NKAIN2: variants seen among roughly 807,000 people sequenced by gnomAD.
NKAIN2 encodes sodium/potassium transporting ATPase interacting 2, also known as sodium/potassium-transporting ATPase subunit beta-1-interacting protein 2.
Under a neutral mutation model 32.6 loss-of-function variants are expected in NKAIN2, and 14 were observed. That is an observed-to-expected ratio of 0.43 (90% CI 0.28 to 0.67). NKAIN2 has a LOEUF of 0.67. NKAIN2 is among the 30% of genes least tolerant of loss of function. The pLI is 0.17. For missense variants in NKAIN2, 198 were observed against 258.3 expected, an observed-to-expected ratio of 0.77 and a Z score of 1.60; for synonymous variants, 80 against 87.2, an observed-to-expected ratio of 0.92 and a Z score of 0.46.
intron 3 of NKAIN2, among the ~76,000 whole-genome samples, chr6:124,574,623 T>TA (rs1310295152): frequency 6.6e-6 from 1 of 151,766 alleles, no homozygotes; most frequent in Non-Finnish European, 1.5e-5. Context: ...TGTCTCAAAA[T>TA]AAAAAACAAA....
chr6:124,506,465 A>T (rs1023866178), intron 3 of NKAIN2, among the ~76,000 whole-genome samples: 1 of 152,184 alleles, frequency 6.6e-6, no homozygotes, highest in Admixed American at 6.5e-5. Flanking sequence ...TCATCCCCGA[A>T]CGGTCAGTGA....
At chr6:124,512,117 G>A (rs1562230325) in intron 3 of NKAIN2, among the ~76,000 whole-genome samples, 2 of 152,126 alleles carry the variant, frequency 1.3e-5, no homozygotes, top group Non-Finnish European at 2.9e-5. Flanking sequence ...GGCTAACACA[G>A]TTACATAAAA....
chr6:124,747,553 C>G (rs1409283359), intron 4 of NKAIN2, among the ~76,000 whole-genome samples: 1 of 151,794 alleles, frequency 6.6e-6, no homozygotes, highest in Non-Finnish European at 1.5e-5. Context: ...GAGCTGTAAA[C>G]GTGCCAGGAA....
chr6:123,992,545 A>T (rs1478527731), intron 1 of NKAIN2, among the ~76,000 whole-genome samples: 2 of 152,212 alleles, frequency 1.3e-5, no homozygotes, highest in Non-Finnish European at 2.9e-5. Flanking sequence ...AAAGGAATAT[A>T]CTAACATCCA....
chr6:124,348,297 G>A lies in NKAIN2; in HGVS notation c.193-6970G>A, dbSNP rs1286623720. ...GGGGTCAGGGGTCAGGGGCCCACTT[G>A]AGGAGGCAGTCTGCCCGTTCTCAGA... On this transcript the variant is annotated intron_variant, in intron 2 of 6. Transcript: ENST00000368417. 2.0e-5 allele frequency among the ~76,000 whole-genome samples: 3 copies of A among 152,298 alleles called. No individual in the cohort carries two copies. The South Asian group carries it at 6.2e-4, about 32-fold the overall frequency.
At chr6:123,999,320 C>T (rs919190552) in intron 1 of NKAIN2, among the ~76,000 whole-genome samples, 6 of 152,120 alleles carry the variant, frequency 3.9e-5, no homozygotes, top group Non-Finnish European at 8.8e-5. Context: ...TGTGCAGGTA[C>T]ACTATAAGGT....
chr6:123,866,693 G>T (rs1196048223), intron 1 of NKAIN2, among the ~76,000 whole-genome samples: 1 of 152,172 alleles, frequency 6.6e-6, no homozygotes, highest in Non-Finnish European at 1.5e-5. Context: ...GCCTTCCAAA[G>T]TGCTGGGATT....
intron 1 of NKAIN2, among the ~76,000 whole-genome samples, chr6:124,034,114 G>A (rs1781512080): frequency 6.6e-6 from 1 of 152,012 alleles, no homozygotes; most frequent in African/African-American, 2.4e-5. Context: ...TATAACCTGT[G>A]TTTCTTTTTT....
chr6:124,411,650 A>G (rs1214382173), intron 3 of NKAIN2, among the ~76,000 whole-genome samples: 1 of 152,120 alleles, frequency 6.6e-6, no homozygotes, highest in Non-Finnish European at 1.5e-5. Flanking sequence ...GAATCTGACA[A>G]TTATGTGTCT....
chr6:124,593,107 C>A (rs1309429771), intron 3 of NKAIN2, among the ~76,000 whole-genome samples: 3 of 152,062 alleles, frequency 2.0e-5, no homozygotes, highest in Non-Finnish European at 4.4e-5. Flanking sequence ...AATATTTCCC[C>A]TGACAATTTT....
chr6:124,204,101 C>A (rs1790733914), intron 1 of NKAIN2, among the ~76,000 whole-genome samples: 1 of 151,844 alleles, frequency 6.6e-6, no homozygotes, highest in Non-Finnish European at 1.5e-5. Context: ...CCTTATCCTG[C>A]TGCTCTTATT....
At chr6:124,377,142 G>T (rs1800027692) in intron 3 of NKAIN2, among the ~76,000 whole-genome samples, 1 of 152,106 alleles carries the variant, frequency 6.6e-6, no homozygotes, top group African/African-American at 2.4e-5. Flanking sequence ...ACTAAAAATG[G>T]GTGATATTTA....
At chr6:124,272,481 T>G (rs903438032) in intron 1 of NKAIN2, among the ~76,000 whole-genome samples, 1 of 152,188 alleles carries the variant, frequency 6.6e-6, no homozygotes, top group African/African-American at 2.4e-5. Flanking sequence ...AAACTGTGCC[T>G]CAATTTCAGA....
intron 1 of NKAIN2, among the ~76,000 whole-genome samples, chr6:124,147,531 A>G (rs1346319368): frequency 2.0e-5 from 3 of 152,320 alleles, no homozygotes; most frequent in East Asian, 1.9e-4. Flanking sequence ...CATTTTTCCA[A>G]TACGATTCTC....
chr6:124,307,759 A>C (rs1488376318), intron 2 of NKAIN2, among the ~76,000 whole-genome samples: 1 of 152,186 alleles, frequency 6.6e-6, no homozygotes, highest in Non-Finnish European at 1.5e-5. Flanking sequence ...TAAAAAATGA[A>C]AGCAAGAGCT....
At chr6:124,607,969 C>T (rs969146321) in intron 3 of NKAIN2, among the ~76,000 whole-genome samples, 11 of 152,066 alleles carry the variant, frequency 7.2e-5, no homozygotes, top group African/African-American at 2.7e-4. Context: ...CTACGCTAAG[C>T]TATGATGTTA....
At chr6:124,479,055 C>T (rs1777344372) in intron 3 of NKAIN2, among the ~76,000 whole-genome samples, 1 of 152,014 alleles carries the variant, frequency 6.6e-6, no homozygotes. Context: ...CCGACAAACA[C>T]AAATGGAGGG....
At chr6:124,511,704 T>C (rs1778720689) in intron 3 of NKAIN2, among the ~76,000 whole-genome samples, 1 of 152,186 alleles carries the variant, frequency 6.6e-6, no homozygotes, top group Admixed American at 6.5e-5. Context: ...TATGTCTTTG[T>C]GGATTTCAGG....
intron 1 of NKAIN2, among the ~76,000 whole-genome samples, chr6:123,868,397 A>G (rs112926191): frequency 6.6e-6 from 1 of 152,344 alleles, no homozygotes; most frequent in African/African-American, 2.4e-5. Context: ...CCATTTTTCC[A>G]TAATAGTTTG....
Sources: gnomAD v4.1 joint callset for allele counts (sites outside exome capture counted in the v4.1 genomes callset) on GRCh38, gnomAD v4.1.1 for gene constraint, MANE v1.5 for transcripts, NCBI Gene and HGNC (gene_info 2026-07-23, HGNC 2026-07-21) for gene names.